APAF1: variants seen among roughly 807,000 people sequenced by gnomAD.
The protein encoded by APAF1 is apoptotic protease-activating factor 1.
A neutral mutation model predicts 152.4 loss-of-function variants in APAF1; 91 were observed. The observed-to-expected ratio is 0.60, with a 90% CI of 0.50 to 0.71. The LOEUF is 0.71. Among genes scored for constraint, APAF1 ranks in the 30% least tolerant of loss-of-function variants. The probability of loss-of-function intolerance (pLI) is 0.00; values close to 1 mark genes in which losing one functional copy is unlikely to be tolerated. For synonymous variants in APAF1, 484 were observed against 494.1 expected, an observed-to-expected ratio of 0.98 and a Z score of 0.27; for missense variants, 1,283 against 1,472.0, an observed-to-expected ratio of 0.87 and a Z score of 2.10.
intron 24 of APAF1, among the ~76,000 whole-genome samples, 153 bp downstream of exon 24, chr12:98,723,917 G>A (rs1277453010): frequency 1.3e-5 from 2 of 152,024 alleles, no homozygotes; most frequent in African/African-American, 4.8e-5. Context: ...GCATTTAGTT[G>A]GTATCAAATG....
chr12:98,722,288 C>G (rs1384848459), intron 22 of APAF1, among the ~76,000 whole-genome samples: 1 of 152,140 alleles, frequency 6.6e-6, no homozygotes, highest in Non-Finnish European at 1.5e-5. Context: ...GAACTTTTAT[C>G]TCTATCATTG....
intron 16 of APAF1, among the ~76,000 whole-genome samples, chr12:98,690,149 A>T (rs1038076938): frequency 3.9e-5 from 6 of 152,192 alleles, no homozygotes; most frequent in African/African-American, 1.4e-4. Flanking sequence ...GAGAAAGGTA[A>T]ACTGTTTTGA....
chr12:98,654,057 T>C (rs953959478), intron 4 of APAF1, among the ~76,000 whole-genome samples: 4 of 152,122 alleles, frequency 2.6e-5, no homozygotes, highest in African/African-American at 9.7e-5. Flanking sequence ...TCTGAGTGAA[T>C]TGTAAATACA....
At chr12:98,696,892 A>G (rs921548298) in intron 16 of APAF1, among the ~76,000 whole-genome samples, 2 of 152,192 alleles carry the variant, frequency 1.3e-5, no homozygotes, top group Non-Finnish European at 2.9e-5. Flanking sequence ...CCTGAAAAAG[A>G]AAAAAGTATA....
intron 20 of APAF1, among the ~76,000 whole-genome samples, chr12:98,710,944 C>G (rs959365227): frequency 6.6e-6 from 1 of 152,198 alleles, no homozygotes; most frequent in African/African-American, 2.4e-5. Flanking sequence ...AATCCAAATT[C>G]AGGAGTAGAT....
chr12:98,712,825 C>CT (rs143050298), intron 21 of APAF1: 17,406 of 198,260 alleles, frequency 0.088, 782 homozygotes, highest in East Asian at 0.23. Context: ...TATTGTATAC[C>CT]TTTTTTTTTT....
rs1039051134 is a variant in APAF1, at chr12:98,735,066, A to C, written c.*2500A>C. The C allele has an allele frequency of 1.0e-5, 4 of 396,248 alleles. No individual in the cohort carries two copies. Among genetic ancestry groups the C allele is most frequent in the African/African-American group, 6.2e-5 (3 of 48,600 alleles). 24.5% of individuals were successfully genotyped at this position (396,248 alleles called of 1,614,324 possible). ...AGTTTGAGTCCAGCCTGGGTGACAT[A>C]GCAAGACCCTGTCTTAAAAGAAAAA... On this transcript the variant is annotated 3_prime_UTR_variant, in exon 27 of 27. Coordinates refer to ENST00000551964, the MANE Select transcript of APAF1 (RefSeq NM_181861.2).
intron 3 of APAF1, 147 bp downstream of exon 3, chr12:98,648,962 A>AT: frequency 1.1e-6 from 1 of 870,578 alleles, no homozygotes; most frequent in Non-Finnish European, 1.9e-6. Flanking sequence ...CAATTTAAAT[A>AT]TTTTTTATTT....
chr12:98,687,851 G>A (rs550754846), intron 16 of APAF1, among the ~76,000 whole-genome samples: 105 of 152,070 alleles, frequency 6.9e-4, no homozygotes, highest in Non-Finnish European at 1.2e-3. Context: ...TCACTCTGTC[G>A]CCCAGGCTGG....
At chr12:98,690,478 G>GAA (rs1234616949) in intron 16 of APAF1, among the ~76,000 whole-genome samples, 1 of 152,156 alleles carries the variant, frequency 6.6e-6, no homozygotes, top group Non-Finnish European at 1.5e-5. Flanking sequence ...TTTACTCAGT[G>GAA]AAAGACTTCA....
chr12:98,667,393 G>C (rs1382172571), intron 9 of APAF1, 120 bp from the exon 10 acceptor site: 9 of 1,227,512 alleles, frequency 7.3e-6, no homozygotes, highest in Non-Finnish European at 1.1e-5. Context: ...TGGGATTACA[G>C]GCGTGAGCCA....
chr12:98,694,054 C>T (rs1363836911), intron 16 of APAF1, among the ~76,000 whole-genome samples: 1 of 152,026 alleles, frequency 6.6e-6, no homozygotes, highest in Non-Finnish European at 1.5e-5. Flanking sequence ...ATAAATGGTG[C>T]TGGGATAACT....
chr12:98,708,846 T>C (rs545328158), intron 20 of APAF1, 142 bp downstream of exon 20: 126 of 776,080 alleles, frequency 1.6e-4, no homozygotes, highest in Non-Finnish European at 2.3e-4. Flanking sequence ...AATAAATATA[T>C]ATAAGTCTTG....
chr12:98,714,353 G>A (rs576900336), intron 21 of APAF1, among the ~76,000 whole-genome samples: 9 of 152,154 alleles, frequency 5.9e-5, no homozygotes, highest in Non-Finnish European at 1.0e-4. Flanking sequence ...CTATAAAGTG[G>A]CAGTTTCATA....
chr12:98,646,902 T>C (rs953857139), intron 1 of APAF1, among the ~76,000 whole-genome samples: 1 of 152,152 alleles, frequency 6.6e-6, no homozygotes, highest in Non-Finnish European at 1.5e-5. Context: ...TCCTGTTGCT[T>C]TGTGGGAAAT....
At chr12:98,685,483 C>T (rs890429704) in intron 15 of APAF1, among the ~76,000 whole-genome samples, 2 of 151,284 alleles carry the variant, frequency 1.3e-5, no homozygotes, top group East Asian at 2.0e-4. Context: ...CTACAGGTGC[C>T]GTGCCACCAT....
At chr12:98,648,869 G>C in intron 3 of APAF1, 54 bp downstream of exon 3, 1 of 1,521,274 alleles carries the variant, frequency 6.6e-7, no homozygotes, top group Non-Finnish European at 9.1e-7. Flanking sequence ...CTTTGGGTTT[G>C]TCTTATTGTA....
intron 1 of APAF1, among the ~76,000 whole-genome samples, chr12:98,647,457 C>T (rs2097642754): frequency 1.3e-5 from 2 of 152,116 alleles, no homozygotes; most frequent in South Asian, 4.1e-4. Context: ...ACTGCAACCT[C>T]TGCCGCCCTG....
rs180774473 is a variant in APAF1 at position 98,712,588 on chromosome 12, C to G, written c.2958+153C>G. 2.2e-4 allele frequency: 140 copies of G among 631,710 alleles called. 1 individual carries two copies. Among genetic ancestry groups the G allele is most frequent in the African/African-American group, 1.8e-3 (98 of 54,856 alleles). The allele number at this position is 631,710 out of a possible 1,614,324, so 39.1% of individuals were successfully genotyped here. A position where few individuals can be genotyped will look rare whatever the true frequency, so the allele number is the denominator to read the frequency against. On this transcript the variant is annotated intron_variant, in intron 21 of 26. Transcript: ENST00000551964. ...GCTGAGTACAGTGACACGATCACAG[C>G]CGACTGCAGCCTTGACCTTCTGAGC...
Sources: gnomAD v4.1 joint callset for allele counts (sites outside exome capture counted in the v4.1 genomes callset) on GRCh38, gnomAD v4.1.1 for gene constraint, MANE v1.5 for transcripts, NCBI Gene and HGNC (gene_info 2026-07-23, HGNC 2026-07-21) for gene names.